Variants in USP38 observed in about 807,000 individuals in gnomAD.
The protein encoded by USP38 is ubiquitin specific peptidase 38, also known as ubiquitin carboxyl-terminal hydrolase 38.
In USP38, 49 loss-of-function variants were observed where a neutral mutation model predicts 94.3. The ratio of observed to expected loss-of-function variants is 0.52; its 90% CI spans 0.41 to 0.66. USP38 has a LOEUF of 0.66. Ranked by LOEUF, USP38 falls within the 30% of genes least tolerant of loss-of-function variation. USP38 has a pLI of 0.00. For synonymous variants in USP38, 468 were observed against 463.6 expected (o/e 1.01, Z -0.12); for missense variants, 1,128 against 1,229.4 (o/e 0.92, Z 1.23).
At chr4:143,218,488 A>G (rs1454477549) in intron 9 of USP38, among the ~76,000 whole-genome samples, 2 of 152,148 alleles carry the variant, frequency 1.3e-5, no homozygotes, top group Non-Finnish European at 1.5e-5. Context: ...GTCTAAGCTT[A>G]TCAGAAAACA....
At chr4:143,191,206 A>G (rs1032669583) in intron 2 of USP38, among the ~76,000 whole-genome samples, 3 of 152,166 alleles carry the variant, frequency 2.0e-5, no homozygotes, top group African/African-American at 4.8e-5. Context: ...GTTTATAGTC[A>G]TTTTCTATAA....
chr4:143,208,340 C>G (rs1049439806), intron 6 of USP38, among the ~76,000 whole-genome samples: 1 of 152,096 alleles, frequency 6.6e-6, no homozygotes, highest in Non-Finnish European at 1.5e-5. Flanking sequence ...TAATTAACAT[C>G]TCTCTGCCCT....
At chr4:143,190,796 T>G (rs559716775) in intron 2 of USP38, among the ~76,000 whole-genome samples, 128 of 152,206 alleles carry the variant, frequency 8.4e-4, no homozygotes, top group Non-Finnish European at 1.4e-3. Context: ...ACTTTTCTTA[T>G]GTCAACCATG....
chr4:143,190,710 A>G lies in USP38; in HGVS notation c.818+2749A>G, dbSNP rs150699348. Among the ~76,000 whole-genome samples, 3 of 152,184 alleles carry G rather than the reference A, an allele frequency of 2.0e-5. No homozygotes were observed. In the East Asian group the frequency reaches 5.8e-4, roughly 29 times the overall value. ...CATTTCTTAAAATGATGCTTATTCT[A>G]TCCCCACTACCTTGAAGAAATCAGG... On this transcript the variant is annotated intron_variant, in intron 2 of 9. Transcript: ENST00000307017.
Position 143,195,848 on chromosome 4 carries a change from A to C in USP38, c.948+3A>C. ...TTACTTTGCTGAAAATAGAACTGGT[A>C]AGTGGGAGTATGGAAATCTATTAGA... On this transcript the variant is annotated splice_donor_region_variant and intron_variant, in intron 3 of 9. Coordinates refer to ENST00000307017, the MANE Select transcript of USP38 (RefSeq NM_032557.6). 2 of 1,607,362 alleles carry C rather than the reference A, an allele frequency of 1.2e-6. No individual in the cohort carries two copies. The highest frequency in any genetic ancestry group is 1.7e-6 in the Non-Finnish European group (2 of 1,177,658).
chr4:143,186,540 A>G (rs980792930), intron 1 of USP38, among the ~76,000 whole-genome samples: 4 of 151,856 alleles, frequency 2.6e-5, no homozygotes, highest in African/African-American at 9.7e-5. Flanking sequence ...TTTTTCCCCC[A>G]TTTTTGTATT....
intron 2 of USP38, among the ~76,000 whole-genome samples, chr4:143,188,490 C>CA (rs1365075151): frequency 6.6e-6 from 1 of 152,044 alleles, no homozygotes; most frequent in Non-Finnish European, 1.5e-5. Context: ...TACCTTTGGG[C>CA]ATCTGTTGTT....
At chr4:143,197,499 A>G (rs1731587991) in intron 3 of USP38, among the ~76,000 whole-genome samples, 1 of 152,202 alleles carries the variant, frequency 6.6e-6, no homozygotes, top group Non-Finnish European at 1.5e-5. Flanking sequence ...TAGGACAAGT[A>G]ATAGTATGTG....
Position 143,185,311 on chromosome 4 carries a change from G to T in USP38, c.-140G>T. ...TCCCTGCGCCATAAATGTGGCTGCT[G>T]AGGCGGCGGTGGCCGTGGCCCGTCG... On this transcript the variant is annotated 5_prime_UTR_variant, in exon 1 of 10. Coordinates refer to ENST00000307017, the MANE Select transcript of USP38 (RefSeq NM_032557.6). 1 of 917,560 alleles carries T rather than the reference G, an allele frequency of 1.1e-6. No homozygotes were observed. The highest frequency in any genetic ancestry group is 1.6e-6 in the Non-Finnish European group (1 of 626,350). 56.8% of individuals were successfully genotyped at this position (917,560 alleles called of 1,614,324 possible).
chr4:143,213,759 C>T lies in USP38; in HGVS notation c.1783C>T (p.Arg595Ter), dbSNP rs769547528. Reference protein sequence around the residue: ...LIEKMFGGKLRTHIRCLNCRS... With the variant: ...LIEKMFGGKL ...AGAAAAAATGTTTGGAGGAAAACTA[C>T]GAACTCACATACGTTGTTTGAACTG... is the stretch of plus-strand genomic sequence containing the variant. Residue 595 changes from arginine to a stop codon, truncating the protein, a stop_gained, in exon 9 of 10, where the codon CGA becomes TGA. Transcript: ENST00000307017. LOFTEE classifies it high-confidence loss of function. The T allele has an allele frequency of 5.6e-6, 9 of 1,613,568 alleles. No homozygotes were observed. The highest frequency in any genetic ancestry group is 1.3e-5 in the African/African-American group (1 of 74,888).
chr4:143,205,294 T>C (rs1731828946), intron 5 of USP38, among the ~76,000 whole-genome samples: 1 of 152,192 alleles, frequency 6.6e-6, no homozygotes, highest in Non-Finnish European at 1.5e-5. Context: ...AAATGTTTGT[T>C]TGTTAAGGTC....
intron 3 of USP38, among the ~76,000 whole-genome samples, chr4:143,197,439 G>C (rs1324880258): frequency 3.3e-5 from 5 of 152,182 alleles, no homozygotes; most frequent in Non-Finnish European, 7.3e-5. Context: ...GTAAGAGAGA[G>C]ATGGTTTTTT....
At position 143,186,042 on chromosome 4, in the gene USP38, G is replaced by A; in HGVS notation, c.592G>A (p.Val198Met). 1.2e-6 allele frequency: 2 copies of A among 1,614,192 alleles called. No individual in the cohort carries two copies. Among genetic ancestry groups the A allele is most frequent in the Non-Finnish European group, 1.7e-6 (2 of 1,180,040 alleles). Residue 198 changes from valine to methionine, a missense_variant, in exon 1 of 10, where the codon GTG (valine) becomes ATG (methionine). Transcript: ENST00000307017. Reference protein sequence around the residue: ...LREYVSQVTKVSNLLQNIWKA... With the variant: ...LREYVSQVTKMSNLLQNIWKA... The stretch of plus-strand genomic sequence containing the variant: ...GGAATATGTCTCCCAGGTGACAAAA[G>A]TGAGTAACTTGCTGCAGAACATCTG...
chr4:143,193,365 A>G (rs1731456562), intron 2 of USP38, among the ~76,000 whole-genome samples: 1 of 152,158 alleles, frequency 6.6e-6, no homozygotes, highest in Non-Finnish European at 1.5e-5. Context: ...CCTTATTGAC[A>G]ATCATTTAGG....
chr4:143,188,487 G>GGGCATCTGTTGT (rs1731296932), intron 2 of USP38, among the ~76,000 whole-genome samples: 1 of 151,784 alleles, frequency 6.6e-6, no homozygotes, highest in Non-Finnish European at 1.5e-5. Flanking sequence ...TATTACCTTT[G>GGGCATCTGTTGT]GGCATCTGTT....
At chr4:143,198,282 G>C (rs1433838984) in intron 4 of USP38, among the ~76,000 whole-genome samples, 4 of 152,158 alleles carry the variant, frequency 2.6e-5, no homozygotes, top group Non-Finnish European at 5.9e-5. Context: ...AGTCTTTGCA[G>C]GCTTTTCATT....
intron 9 of USP38, among the ~76,000 whole-genome samples, chr4:143,219,681 A>G (rs1353514953): frequency 2.0e-5 from 3 of 152,122 alleles, no homozygotes; most frequent in Non-Finnish European, 4.4e-5. Context: ...ATCCAGTTGT[A>G]TACCTTGCCA....
At chr4:143,190,749 A>T (rs1451581544) in intron 2 of USP38, among the ~76,000 whole-genome samples, 1 of 152,016 alleles carries the variant, frequency 6.6e-6, no homozygotes, top group Non-Finnish European at 1.5e-5. Flanking sequence ...TCCTCGTTGC[A>T]CAGTTTTTTA....
intron 1 of USP38, 107 bp from the exon 2 acceptor site, chr4:143,187,719 A>C (rs1731269241): frequency 8.4e-7 from 1 of 1,191,432 alleles, no homozygotes; most frequent in East Asian, 2.6e-5. Context: ...AATCCTTCCT[A>C]GTTAACACCT....
Sources: gnomAD v4.1 joint callset for allele counts (sites outside exome capture counted in the v4.1 genomes callset) on GRCh38, gnomAD v4.1.1 for gene constraint, MANE v1.5 for transcripts, NCBI Gene and HGNC (gene_info 2026-07-23, HGNC 2026-07-21) for gene names.